The following SLC27A2 variants were observed in gnomAD, a reference collection of about 807,000 sequenced individuals.
SLC27A2 encodes the protein long-chain fatty acid transport protein 2.
A neutral mutation model predicts 60.0 loss-of-function variants in SLC27A2; 54 were observed. The ratio of observed to expected loss-of-function variants is 0.90; its 90% confidence interval spans 0.72 to 1.13. SLC27A2 has a LOEUF of 1.13. Among genes scored for constraint, SLC27A2 ranks in the 50% most tolerant of loss-of-function variants. The pLI is 0.00. For synonymous variants in SLC27A2, 297 were observed against 297.6 expected (o/e 1.00, Z 0.02); for missense variants, 739 against 777.6 (o/e 0.95, Z 0.59).
chr15:50,224,739 C>A (rs966913703), intron 5 of SLC27A2, among the ~76,000 whole-genome samples: 5 of 152,196 alleles, frequency 3.3e-5, no homozygotes, highest in African/African-American at 1.2e-4. Context: ...AAATCCAGTT[C>A]TTCAGTCACA....
intron 2 of SLC27A2, among the ~76,000 whole-genome samples, chr15:50,202,252 T>C (rs1304002260): frequency 1.3e-5 from 2 of 152,242 alleles, no homozygotes; most frequent in Non-Finnish European, 2.9e-5. Flanking sequence ...TGCTTTTGAC[T>C]ACAATAGCAG....
At chr15:50,184,093 C>T (rs2044899374) in intron 1 of SLC27A2, among the ~76,000 whole-genome samples, 2 of 148,692 alleles carry the variant, frequency 1.3e-5, no homozygotes, top group South Asian at 2.1e-4. Context: ...CAGGCTCAAG[C>T]GATCCTCCCA....
intron 4 of SLC27A2, among the ~76,000 whole-genome samples, chr15:50,213,490 C>T (rs922259212): frequency 6.6e-6 from 1 of 152,188 alleles, no homozygotes; most frequent in Non-Finnish European, 1.5e-5. Context: ...CATCCAACAG[C>T]AGCAGAATAC....
At chr15:50,228,874 C>T (rs1226055802) in intron 7 of SLC27A2, 71 bp from the exon 8 acceptor site, 4 of 1,013,136 alleles carry the variant, frequency 3.9e-6, no homozygotes, top group South Asian at 2.6e-5. Flanking sequence ...AAAGGAAACA[C>T]CAGCTCTCCG....
chr15:50,202,386 TC>T, intron 2 of SLC27A2, 100 bp from the exon 3 acceptor site: 1 of 1,261,346 alleles, frequency 7.9e-7, no homozygotes. Flanking sequence ...AGTGCAATTC[TC>T]AAAATACAGG....
intron 7 of SLC27A2, among the ~76,000 whole-genome samples, chr15:50,228,308 C>T (rs1412332219): frequency 4.6e-5 from 6 of 129,106 alleles, no homozygotes; most frequent in African/African-American, 1.7e-4. Flanking sequence ...ACCTGGGAGA[C>T]GGAGGTTGCA....
intron 4 of SLC27A2, among the ~76,000 whole-genome samples, chr15:50,212,360 A>G (rs2045164565): frequency 1.3e-5 from 2 of 152,260 alleles, no homozygotes; most frequent in South Asian, 4.1e-4. Flanking sequence ...TAAACACTTG[A>G]AAAACATATT....
In SLC27A2 at chr15:50,233,907, A is replaced by G; in HGVS notation, c.1595A>G (p.Lys532Arg). ...GRIGMASIKM[K>R]ENHEFDGKKL... ...ATTGGCATGGCCTCCATCAAAATGA[A>G]AGAAAACCATGAATTTGATGGAAAG... The change falls in exon 9 of 10, where the codon AAA becomes AGA. Residue 532 changes from lysine (K) to arginine (R), a missense_variant. By Grantham distance (26) the Lys-to-Arg change is conservative. Coordinates refer to ENST00000267842, the MANE Select transcript of SLC27A2 (RefSeq NM_003645.4). The G allele has an allele frequency of 6.2e-7, 1 of 1,613,978 alleles. No homozygotes were observed. Among genetic ancestry groups the G allele is most frequent in the South Asian group, 1.1e-5 (1 of 91,066 alleles).
chr15:50,226,179 A>T (rs1040138974), intron 6 of SLC27A2, 101 bp downstream of exon 6: 1 of 722,216 alleles, frequency 1.4e-6, no homozygotes, highest in Non-Finnish European at 2.4e-6. Flanking sequence ...AATTTATCAG[A>T]GTGGGGAAAA....
intron 2 of SLC27A2, among the ~76,000 whole-genome samples, chr15:50,198,751 T>C (rs1258951820): frequency 6.6e-6 from 1 of 152,194 alleles, no homozygotes; most frequent in Admixed American, 6.5e-5. Flanking sequence ...ATTAAAATTT[T>C]AATTTAATTT....
intron 1 of SLC27A2, among the ~76,000 whole-genome samples, chr15:50,187,602 G>C (rs2044935417): frequency 2.0e-5 from 3 of 152,108 alleles, no homozygotes; most frequent in Non-Finnish European, 4.4e-5. Flanking sequence ...AGCCATGCGA[G>C]GCTCCCACAG....
chr15:50,186,343 C>T (rs993774821), intron 1 of SLC27A2, among the ~76,000 whole-genome samples: 8 of 152,134 alleles, frequency 5.3e-5, no homozygotes, highest in South Asian at 2.1e-4. Context: ...GAAACCCCAC[C>T]GCCAACCCTA....
At chr15:50,228,398 A>AG (rs2045292093) in intron 7 of SLC27A2, among the ~76,000 whole-genome samples, 1 of 150,998 alleles carries the variant, frequency 6.6e-6, no homozygotes, top group African/African-American at 2.4e-5. Context: ...AAAAAAAAAA[A>AG]AGAATTTTTA....
intron 9 of SLC27A2, 43 bp downstream of exon 9, chr15:50,234,041 A>C (rs375613218): frequency 2.0e-6 from 3 of 1,528,270 alleles, no homozygotes; most frequent in Non-Finnish European, 2.7e-6. Flanking sequence ...GTCCTCTTGG[A>C]GATTCCTACC....
chr15:50,235,035 G>T (rs905951955), intron 9 of SLC27A2, among the ~76,000 whole-genome samples: 5 of 152,096 alleles, frequency 3.3e-5, no homozygotes, highest in Admixed American at 2.0e-4. Context: ...AACTATCACC[G>T]CTAGGAGGAT....
rs185361166 is a variant in SLC27A2 at position 50,236,007 on chromosome 15, T to C, written c.1774T>C (p.Leu592=). Residue 592 remains leucine, a synonymous_variant, in exon 10 of 10, where the codon TTG becomes CTG. Transcript: ENST00000267842. The part of the protein sequence containing the change: ...GFNPAVIKDA[L]YFLDDTAKMY... ...TAACCCTGCTGTCATCAAAGATGCC[T>C]TGTATTTCTTGGATGACACAGCAAA... The C allele has an allele frequency of 1.7e-5, 27 of 1,614,058 alleles. No individual in the cohort carries two copies. The highest frequency in any genetic ancestry group is 2.1e-5 in the Non-Finnish European group (25 of 1,179,902).
In SLC27A2 at chr15:50,183,994, CTT is replaced by C. The variant is rs577766814; in HGVS notation, c.478+1106_478+1107del. Among the ~76,000 whole-genome samples the C allele has an allele frequency of 3.1e-3, 283 of 91,164 alleles. 7 individuals are homozygous for C. Among genetic ancestry groups the C allele is most frequent in the African/African-American group, 7.2e-3 (198 of 27,390 alleles). The allele number at this position is 91,164 out of a possible 152,430, so 59.8% of individuals were successfully genotyped here. On this transcript the variant is annotated intron_variant, in intron 1 of 9. Transcript: ENST00000267842. ...TTCGAAGCCATGCTCTTTCCTACAT[CTT>C]TTTTTTTTTTTTTTTTGACAGTCTC...
chr15:50,218,344 C>G (rs576156294), intron 4 of SLC27A2, among the ~76,000 whole-genome samples: 1 of 151,704 alleles, frequency 6.6e-6, no homozygotes, highest in South Asian at 2.1e-4. Flanking sequence ...CAAAGAGGTC[C>G]CATATATATT....
chr15:50,231,900 G>T (rs571433877), intron 8 of SLC27A2, among the ~76,000 whole-genome samples: 22 of 152,258 alleles, frequency 1.4e-4, no homozygotes, highest in African/African-American at 5.3e-4. Context: ...CAATAGAATG[G>T]GCTTGTCTCC....
Sources: gnomAD v4.1 joint callset for allele counts (sites outside exome capture counted in the v4.1 genomes callset) on GRCh38, gnomAD v4.1.1 for gene constraint, MANE v1.5 for transcripts, NCBI Gene and HGNC (gene_info 2026-07-23, HGNC 2026-07-21) for gene names.